Variants in NIPBL observed in about 807,000 individuals in gnomAD.
The protein encoded by NIPBL is NIPBL cohesin loading factor.
A neutral mutation model predicts 321.8 loss-of-function variants in NIPBL; 19 were observed. That is an observed-to-expected ratio of 0.06 (90% CI 0.04 to 0.09). The LOEUF (loss-of-function observed/expected upper bound fraction) is 0.09, where lower values mean the gene tolerates loss of function less well. Among genes scored for constraint, NIPBL ranks in the 10% least tolerant of loss-of-function variants. The pLI, the probability that NIPBL is intolerant of heterozygous loss-of-function variation, is 1.00. For missense variants in NIPBL, 2,210 were observed against 3,327.0 expected (o/e 0.66, Z 8.26); for synonymous variants, 1,106 against 1,114.1 (o/e 0.99, Z 0.14).
chr5:36,952,072 G>A (rs188531672), intron 1 of NIPBL, among the ~76,000 whole-genome samples: 26 of 136,632 alleles, frequency 1.9e-4, no homozygotes, highest in African/African-American at 5.6e-4. Context: ...GCGCGCGCGC[G>A]CATGTGTGTG....
chr5:37,014,345 G>A (rs1335064606), intron 21 of NIPBL, among the ~76,000 whole-genome samples: 1 of 151,818 alleles, frequency 6.6e-6, no homozygotes, highest in African/African-American at 2.4e-5. Context: ...AAACTTTGAG[G>A]TTGACATATT....
chr5:36,877,505 G>C (rs1307601034), intron 1 of NIPBL, among the ~76,000 whole-genome samples: 1 of 152,188 alleles, frequency 6.6e-6, no homozygotes, highest in East Asian at 1.9e-4. Flanking sequence ...CGGAGCGACT[G>C]CTGGTCGGTG....
chr5:37,052,649 A>G (rs1579584279), intron 42 of NIPBL, 83 bp downstream of exon 42: 20 of 1,005,900 alleles, frequency 2.0e-5, no homozygotes, highest in Middle Eastern at 2.2e-4. Flanking sequence ...AAATATTACC[A>G]TTTTATTAGT....
chr5:36,987,723 A>G (rs974687665), intron 10 of NIPBL, among the ~76,000 whole-genome samples: 1 of 152,138 alleles, frequency 6.6e-6, no homozygotes, highest in Admixed American at 6.5e-5. Flanking sequence ...TCTTTGAGTG[A>G]AGCTTTTAAA....
At chr5:37,029,875 A>G (rs1010860609) in intron 32 of NIPBL, among the ~76,000 whole-genome samples, 3 of 152,180 alleles carry the variant, frequency 2.0e-5, no homozygotes, top group East Asian at 3.8e-4. Flanking sequence ...TTTTTACATG[A>G]TATATTTGGC....
At chr5:36,917,791 C>T (rs1458414296) in intron 1 of NIPBL, among the ~76,000 whole-genome samples, 1 of 152,142 alleles carries the variant, frequency 6.6e-6, no homozygotes, top group Admixed American at 6.6e-5. Flanking sequence ...ATCCTTTCCC[C>T]ATTTCTTGTT....
chr5:36,992,757 T>G (rs548550024), intron 10 of NIPBL, among the ~76,000 whole-genome samples: 8 of 139,912 alleles, frequency 5.7e-5, no homozygotes, highest in African/African-American at 8.2e-5. Flanking sequence ...TTTATTTATT[T>G]ATTGAGATGG....
chr5:37,000,584 G>T lies in NIPBL; in HGVS notation c.3502+14G>T. Reference sequence around the variant, plus strand: ...GCCTTAGTGAGGGTAATTCATCAGTGTCAACGGATTTCTTACATAAACCAA... The same window carrying T: ...GCCTTAGTGAGGGTAATTCATCAGTTTCAACGGATTTCTTACATAAACCAA... On this transcript the variant is annotated intron_variant, in intron 12 of 46. Coordinates refer to ENST00000282516, the MANE Select transcript of NIPBL (RefSeq NM_133433.4). 1 of 1,611,786 alleles carries T rather than the reference G, an allele frequency of 6.2e-7. No individual in the cohort carries two copies. Among genetic ancestry groups the T allele is most frequent in the Non-Finnish European group, 8.5e-7 (1 of 1,178,228 alleles).
Position 37,024,699 on chromosome 5 carries a change from A to G in NIPBL, c.5689A>G (p.Asn1897Asp). The change falls in exon 30 of 47, where the codon AAT (asparagine) becomes GAT (aspartate). Residue 1897 changes from asparagine (N) to aspartate (D), a missense_variant. Physicochemically the swap from Asn to Asp is conservative, Grantham distance 23. Coordinates refer to ENST00000282516, the MANE Select transcript of NIPBL (RefSeq NM_133433.4). ...EMCVKMIRRV[N>D]DEEGIKKLVN... ...GTGTGTAAAAATGATTCGCAGAGTC[A>G]ATGATGAAGAGGGCATTAAGGTAGT... 6.2e-7 allele frequency: 1 copy of G among 1,612,464 alleles called. No individual in the cohort carries two copies. The highest frequency in any genetic ancestry group is 8.5e-7 in the Non-Finnish European group (1 of 1,178,942).
At chr5:36,979,352 T>C (rs1454452148) in intron 9 of NIPBL, among the ~76,000 whole-genome samples, 2 of 151,860 alleles carry the variant, frequency 1.3e-5, no homozygotes, top group Non-Finnish European at 2.9e-5. Flanking sequence ...TGTGTGGCTA[T>C]TGTAAATGAG....
At chr5:36,983,991 A>G (rs985376959) in intron 9 of NIPBL, among the ~76,000 whole-genome samples, 2 of 152,030 alleles carry the variant, frequency 1.3e-5, no homozygotes, top group Non-Finnish European at 2.9e-5. Flanking sequence ...TTCTATACCT[A>G]TGAAATCTGT....
At chr5:36,961,453 A>T (rs1175771961) in intron 4 of NIPBL, 31 bp from the exon 5 acceptor site, 6 of 1,258,788 alleles carry the variant, frequency 4.8e-6, no homozygotes, top group Admixed American at 3.4e-5. Context: ...TTAGAAGAAA[A>T]TAACGTTCTG....
intron 1 of NIPBL, among the ~76,000 whole-genome samples, chr5:36,917,281 A>G (rs1748538796): frequency 6.6e-6 from 1 of 152,178 alleles, no homozygotes; most frequent in South Asian, 2.1e-4. Context: ...TTGGCTGCAT[A>G]AATGTCTTCT....
At chr5:36,999,759 T>A (rs1417687855) in intron 11 of NIPBL, among the ~76,000 whole-genome samples, 2 of 152,210 alleles carry the variant, frequency 1.3e-5, no homozygotes, top group Non-Finnish European at 2.9e-5. Flanking sequence ...AAGACTTTTG[T>A]TGAAGAACTG....
At chr5:37,052,953 C>G (rs913669290) in intron 42 of NIPBL, among the ~76,000 whole-genome samples, 1 of 152,124 alleles carries the variant, frequency 6.6e-6, no homozygotes, top group Non-Finnish European at 1.5e-5. Context: ...AACTTGATTT[C>G]CCTTAATGAA....
At chr5:36,957,931 T>C (rs893573862) in intron 3 of NIPBL, among the ~76,000 whole-genome samples, 173 bp from the exon 4 acceptor site, 3 of 150,354 alleles carry the variant, frequency 2.0e-5, no homozygotes, top group Admixed American at 6.7e-5. Context: ...TGCAGTGAGC[T>C]GAGATTGTAC....
rs753105098 is a variant in NIPBL at position 36,986,227 on chromosome 5, T to G, written c.3047T>G (p.Leu1016Arg). ...QKLSLDDVQK[L>R]IKDREDKSRS... ...CTGTCTTTGGATGATGTTCAGAAAC[T>G]TATTAAAGATAGAGAGGACAAATCA... is the stretch of plus-strand genomic sequence containing the variant. Residue 1016 changes from leucine to arginine, a missense_variant, in exon 10 of 47, where the codon CTT becomes CGT. By Grantham distance (102) the Leu-to-Arg change is moderately radical (BLOSUM62 -2). Transcript: ENST00000282516. 1 of 1,586,398 alleles carries G rather than the reference T, an allele frequency of 6.3e-7. No homozygotes were observed. The highest frequency in any genetic ancestry group is 8.5e-7 in the Non-Finnish European group (1 of 1,170,216).
Position 36,995,590 on chromosome 5 carries a change from A to ATT in NIPBL, c.3122-23_3122-22dup. ...ATTTTCCTTTTATCTTCAGATTTAC[A>ATT]TTTTTTTTTTAAATTTACCTTTCAT... On this transcript the variant is annotated intron_variant, in intron 10 of 46. Coordinates refer to ENST00000282516, the MANE Select transcript of NIPBL (RefSeq NM_133433.4). The ATT allele has an allele frequency of 2.8e-6, 4 of 1,426,216 alleles. No individual in the cohort carries two copies. In the African/African-American group the frequency reaches 4.3e-5, roughly 15 times the overall value. 88.3% of individuals were successfully genotyped at this position (1,426,216 alleles called of 1,614,324 possible).
chr5:37,052,000 C>T lies in NIPBL; in HGVS notation c.7062+114C>T, dbSNP rs1753606109. On this transcript the variant is annotated intron_variant, in intron 41 of 46. Coordinates refer to ENST00000282516, the MANE Select transcript of NIPBL (RefSeq NM_133433.4). ...TTGGAATAAAATGTCTTACTTAGTA[C>T]CTATCTTCTAAACATGCAACTAAGT... 6 of 801,946 alleles carry T rather than the reference C, an allele frequency of 7.5e-6. No individual in the cohort carries two copies. In the Admixed American group the frequency reaches 8.4e-5, roughly 11 times the overall value. 49.7% of individuals were successfully genotyped at this position (801,946 alleles called of 1,614,324 possible).
Sources: gnomAD v4.1 joint callset for allele counts (sites outside exome capture counted in the v4.1 genomes callset) on GRCh38, gnomAD v4.1.1 for gene constraint, MANE v1.5 for transcripts, NCBI Gene and HGNC (gene_info 2026-07-23, HGNC 2026-07-21) for gene names.